TRAPPC10: variants seen among roughly 807,000 people sequenced by gnomAD.
The protein encoded by TRAPPC10 is trafficking protein particle complex subunit 10.
In TRAPPC10, 23 loss-of-function variants were observed where a neutral mutation model predicts 125.5. That is an observed-to-expected ratio of 0.18 (90% CI 0.13 to 0.26). The LOEUF (loss-of-function observed/expected upper bound fraction) is 0.26. Among genes scored for constraint, TRAPPC10 ranks in the 10% least tolerant of loss-of-function variants. TRAPPC10 has a pLI of 1.00. For missense variants in TRAPPC10, 1,123 were observed against 1,308.4 expected, an observed-to-expected ratio of 0.86 and a Z score of 2.19; for synonymous variants, 509 against 518.0, an observed-to-expected ratio of 0.98 and a Z score of 0.24.
At chr21:44,019,216 T>G (rs2032220544) in intron 1 of TRAPPC10, among the ~76,000 whole-genome samples, 1 of 152,124 alleles carries the variant, frequency 6.6e-6, no homozygotes, top group African/African-American at 2.4e-5. Context: ...GCCCAGTTAA[T>G]TTTTTGTATT....
At position 44,055,039 on chromosome 21, in the gene TRAPPC10, C is replaced by T. The variant is rs902703434; in HGVS notation, c.483-659C>T. On this transcript the variant is annotated intron_variant, in intron 4 of 22. Transcript: ENST00000291574. ...GCTGAGAAATCTAAATTTATCCTGTCGATCCCAAGGAACCAAAATGGATTT... is the reference window on the plus strand; with the variant it reads ...GCTGAGAAATCTAAATTTATCCTGTTGATCCCAAGGAACCAAAATGGATTT... 3.9e-5 allele frequency among the ~76,000 whole-genome samples: 6 copies of T among 152,262 alleles called. No individual in the cohort carries two copies. The South Asian group carries it at 6.2e-4, about 16-fold the overall frequency.
At chr21:44,037,987 T>C in intron 3 of TRAPPC10, 60 bp downstream of exon 3, 1 of 1,567,008 alleles carries the variant, frequency 6.4e-7, no homozygotes, top group East Asian at 2.3e-5. Context: ...GCGTGGAGAG[T>C]GCTGTGTGAG....
chr21:44,069,729 C>A (rs555514751), intron 7 of TRAPPC10, among the ~76,000 whole-genome samples: 1 of 152,272 alleles, frequency 6.6e-6, no homozygotes, highest in East Asian at 1.9e-4. Context: ...GTCATTGGAG[C>A]TGCAAACGGG....
intron 3 of TRAPPC10, among the ~76,000 whole-genome samples, chr21:44,039,950 G>C (rs1245209023): frequency 6.6e-6 from 1 of 152,150 alleles, no homozygotes; most frequent in Non-Finnish European, 1.5e-5. Flanking sequence ...ATTTATTTCT[G>C]CTCTCACCAA....
Position 44,087,924 on chromosome 21 carries a change from A to T in TRAPPC10, c.2765A>T (p.His922Leu). 2 of 1,612,766 alleles carry T rather than the reference A, an allele frequency of 1.2e-6. No homozygotes were observed. The highest frequency in any genetic ancestry group is 1.7e-6 in the Non-Finnish European group (2 of 1,179,402). The change falls in exon 17 of 23, where the codon CAC becomes CTC. Residue 922 changes from histidine to leucine, a missense_variant. His to Leu is a moderately conservative substitution (Grantham distance 99). Around this residue, in one of 4 missense-constraint regions of TRAPPC10, gnomAD observed 840 missense variants for 902.0 expected, o/e 0.93. Coordinates refer to ENST00000291574, the MANE Select transcript of TRAPPC10 (RefSeq NM_003274.5). The surrounding 1 kb of genome is among the most constrained non-coding windows in gnomAD (Gnocchi z 4.6). ...GGCCGCTGCATGGTTACCACAGACC[A>T]CAAAGTGAGTAGGGACAGTGGAGGA... ...RTGRCMVTTD[H>L]KVSIDCPWSI... is the part of the protein sequence containing the mutation.
intron 8 of TRAPPC10, 35 bp downstream of exon 8, chr21:44,074,505 GTC>G (rs1301236141): frequency 6.2e-7 from 1 of 1,613,280 alleles, no homozygotes; most frequent in Non-Finnish European, 8.5e-7. Context: ...TGCTCACGTT[GTC>G]TCTGCGGCCA....
intron 1 of TRAPPC10, among the ~76,000 whole-genome samples, chr21:44,013,076 T>A (rs2147086185): frequency 6.6e-6 from 1 of 152,266 alleles, no homozygotes; most frequent in South Asian, 2.1e-4. Context: ...CTGCTTTCGC[T>A]CCTACACACT....
intron 1 of TRAPPC10, among the ~76,000 whole-genome samples, chr21:44,018,548 A>T (rs998311663): frequency 1.3e-5 from 2 of 152,004 alleles, no homozygotes; most frequent in Admixed American, 1.3e-4. Flanking sequence ...AAAATACAAA[A>T]ATTAGCTGGG....
chr21:44,070,920 C>T (rs944490216), intron 7 of TRAPPC10, among the ~76,000 whole-genome samples: 2 of 152,188 alleles, frequency 1.3e-5, no homozygotes, highest in African/African-American at 2.4e-5. Flanking sequence ...GTCATCCCTC[C>T]GTTGAGGCAG....
chr21:44,075,610 C>T (rs990838165), intron 9 of TRAPPC10, among the ~76,000 whole-genome samples: 1 of 152,130 alleles, frequency 6.6e-6, no homozygotes, highest in Non-Finnish European at 1.5e-5. Flanking sequence ...CTCACCCTCC[C>T]AGGTAGCTGG....
intron 20 of TRAPPC10, among the ~76,000 whole-genome samples, chr21:44,095,787 C>G (rs574424441): frequency 6.6e-6 from 1 of 152,170 alleles, no homozygotes. Flanking sequence ...CCAGGCTGGT[C>G]TTGAACTCCT....
chr21:44,052,232 T>C, intron 3 of TRAPPC10, 48 bp from the exon 4 acceptor site: 1 of 1,491,124 alleles, frequency 6.7e-7, no homozygotes, highest in Non-Finnish European at 9.0e-7. Context: ...CTGTATAAAC[T>C]AAAGGGCATT....
intron 1 of TRAPPC10, among the ~76,000 whole-genome samples, chr21:44,029,000 A>G (rs1228415128): frequency 6.6e-6 from 1 of 152,252 alleles, no homozygotes; most frequent in East Asian, 1.9e-4. Flanking sequence ...AGGAAACTAC[A>G]AAGTCTGTGT....
chr21:44,057,074 G>T (rs1216277202), intron 5 of TRAPPC10, among the ~76,000 whole-genome samples: 1 of 152,128 alleles, frequency 6.6e-6, no homozygotes, highest in African/African-American at 2.4e-5. Flanking sequence ...GTGAAATAAG[G>T]CACATAGGGA....
intron 5 of TRAPPC10, among the ~76,000 whole-genome samples, chr21:44,057,565 C>T (rs56340987): frequency 0.068 from 10,382 of 152,188 alleles, 449 homozygotes; most frequent in Middle Eastern, 0.099. Context: ...AATTACAAGC[C>T]TGAGCCACTG....
chr21:44,081,207 TTGG>T (rs949986070), intron 13 of TRAPPC10, among the ~76,000 whole-genome samples: 2 of 151,740 alleles, frequency 1.3e-5, no homozygotes, highest in Non-Finnish European at 2.9e-5. Flanking sequence ...GTCTCCCAGG[TTGG>T]AGTGCAGTGG....
In TRAPPC10 at chr21:44,082,178, C is replaced by T. The variant is rs1361047644; in HGVS notation, c.1724-610C>T. 2.0e-5 allele frequency among the ~76,000 whole-genome samples: 3 copies of T among 152,306 alleles called. No individual in the cohort carries two copies. In the East Asian group the frequency reaches 5.8e-4, roughly 29 times the overall value. Reference sequence around the variant, plus strand: ...ATACTTAACTGGTCACTTCTGCAGCCTTGTGTATTTTCTAGACAAAACCAA... The same window carrying T: ...ATACTTAACTGGTCACTTCTGCAGCTTTGTGTATTTTCTAGACAAAACCAA... On this transcript the variant is annotated intron_variant, in intron 13 of 22. Coordinates refer to ENST00000291574, the MANE Select transcript of TRAPPC10 (RefSeq NM_003274.5). The surrounding 1 kb of genome is among the most constrained non-coding windows in gnomAD (Gnocchi z 4.4).
chr21:44,034,320 C>G (rs1399886270), intron 2 of TRAPPC10, among the ~76,000 whole-genome samples: 1 of 143,250 alleles, frequency 7.0e-6, no homozygotes, highest in East Asian at 2.0e-4. Flanking sequence ...GCTGTCATTG[C>G]CCACTCCCCC....
chr21:44,025,806 G>T (rs1274539597), intron 1 of TRAPPC10, among the ~76,000 whole-genome samples: 2 of 150,306 alleles, frequency 1.3e-5, no homozygotes, highest in East Asian at 3.9e-4. Context: ...CTGGGAGAGA[G>T]CAGCAGAGGG....
Sources: gnomAD v4.1 joint callset for allele counts (sites outside exome capture counted in the v4.1 genomes callset) on GRCh38, gnomAD v4.1.1 for gene constraint, gnomAD v4.1.1 regional missense constraint, Gnocchi (gnomAD v3.1) non-coding constraint, MANE v1.5 for transcripts, NCBI Gene and HGNC (gene_info 2026-07-23, HGNC 2026-07-21) for gene names.